The following UBE3D variants were observed in gnomAD, a reference collection of about 807,000 sequenced individuals.
UBE3D encodes E3 ubiquitin-protein ligase E3D.
Under a neutral mutation model 49.6 loss-of-function variants are expected in UBE3D, and 48 were observed. The ratio of observed to expected loss-of-function variants is 0.97; its 90% CI spans 0.77 to 1.23. The LOEUF (loss-of-function observed/expected upper bound fraction) is 1.23. Ranked by LOEUF, UBE3D falls within the 50% of genes most tolerant of loss-of-function variation. The pLI is 0.00. For missense variants in UBE3D, 452 were observed against 468.4 expected, an observed-to-expected ratio of 0.96 and a Z score of 0.32; for synonymous variants, 189 against 174.2, an observed-to-expected ratio of 1.08 and a Z score of -0.67.
chr6:83,065,689 C>G lies in UBE3D; in HGVS notation c.30G>C (p.Val10=). 1 of 1,613,004 alleles carries G rather than the reference C, an allele frequency of 6.2e-7. No homozygotes were observed. Among genetic ancestry groups the G allele is most frequent in the East Asian group, 2.2e-5 (1 of 44,766 alleles). Reference sequence around the variant, plus strand: ...GCAGCTGTCCCCGCACCTCCAGAAACACGCGCGTCTCCGCCGCAGAAGCCG... The same window carrying G: ...GCAGCTGTCCCCGCACCTCCAGAAAGACGCGCGTCTCCGCCGCAGAAGCCG... MAASAAETR[V]FLEVRGQLQS... Residue 10 remains valine, a synonymous_variant, in exon 1 of 10, where the codon GTG becomes GTC. Transcript: ENST00000369747.
intron 9 of UBE3D, among the ~76,000 whole-genome samples, chr6:82,920,286 A>G (rs1773230462): frequency 6.6e-6 from 1 of 152,190 alleles, no homozygotes; most frequent in South Asian, 2.1e-4. Flanking sequence ...ATCCAGAAAA[A>G]TCCTTGGGAA....
At chr6:82,936,491 C>G (rs1410518728) in intron 9 of UBE3D, among the ~76,000 whole-genome samples, 1 of 151,624 alleles carries the variant, frequency 6.6e-6, no homozygotes, top group Non-Finnish European at 1.5e-5. Flanking sequence ...TGGACACATA[C>G]AGGTTTTGTT....
chr6:82,955,052 T>C (rs1776061701), intron 9 of UBE3D, among the ~76,000 whole-genome samples: 2 of 152,134 alleles, frequency 1.3e-5, no homozygotes, highest in Non-Finnish European at 2.9e-5. Context: ...ATTGAGTAAT[T>C]AACATTCAGA....
At chr6:83,028,116 T>C (rs183156794) in intron 5 of UBE3D, among the ~76,000 whole-genome samples, 5 of 152,248 alleles carry the variant, frequency 3.3e-5, no homozygotes, top group Admixed American at 1.3e-4. Flanking sequence ...TATTGTTTAA[T>C]TTATATAACT....
chr6:82,960,055 G>C (rs973774734), intron 8 of UBE3D, among the ~76,000 whole-genome samples: 4 of 152,068 alleles, frequency 2.6e-5, no homozygotes, highest in African/African-American at 9.7e-5. Flanking sequence ...CTGTATGCAG[G>C]AGCTCCTAGC....
At chr6:83,000,643 A>G (rs1327070777) in intron 8 of UBE3D, among the ~76,000 whole-genome samples, 1 of 152,178 alleles carries the variant, frequency 6.6e-6, no homozygotes, top group Non-Finnish European at 1.5e-5. Context: ...TTCTTAGGAT[A>G]AAGACTAAAT....
the UBE3D span, among the ~76,000 whole-genome samples, chr6:82,885,254 G>T: frequency 2.6e-5 from 4 of 152,018 alleles, no homozygotes; most frequent in African/African-American, 7.3e-5. Context: ...GCAACAAAAG[G>T]TCTTTTCTTC....
Position 83,024,047 on chromosome 6 carries a change from A to G in UBE3D, c.668-9T>C. Reference sequence around the variant, plus strand: ...ATAAAACTTGGTGGTTTCTAGAAACAAAAAAGAAAATTAAGACTCTCCCCA... The same window carrying G: ...ATAAAACTTGGTGGTTTCTAGAAACGAAAAAGAAAATTAAGACTCTCCCCA... On this transcript the variant is annotated splice_polypyrimidine_tract_variant and intron_variant, in intron 5 of 9. Transcript: ENST00000369747. 6.7e-7 allele frequency: 1 copy of G among 1,487,920 alleles called. No homozygotes were observed. The highest frequency in any genetic ancestry group is 2.4e-5 in the East Asian group (1 of 41,666). 92.2% of individuals were successfully genotyped at this position (1,487,920 alleles called of 1,614,324 possible). A position where few individuals can be genotyped will look rare whatever the true frequency, so the allele number is the denominator to read the frequency against.
At chr6:83,040,035 G>A (rs1038972800) in intron 4 of UBE3D, among the ~76,000 whole-genome samples, 1 of 152,106 alleles carries the variant, frequency 6.6e-6, no homozygotes, top group African/African-American at 2.4e-5. Context: ...TTTATTTGAG[G>A]TGTGTTTGTG....
the UBE3D span, among the ~76,000 whole-genome samples, chr6:82,882,180 T>C: frequency 6.6e-6 from 1 of 152,136 alleles, no homozygotes; most frequent in Non-Finnish European, 1.5e-5. Flanking sequence ...ACCCTCACTG[T>C]GATGATTAAA....
At chr6:82,887,395 T>TTTTG (rs1562053882), downstream of UBE3D, among the ~76,000 whole-genome samples, 3 of 70,446 alleles carry the variant, frequency 4.3e-5, no homozygotes, top group African/African-American at 2.9e-4. Context: ...AACAGTTTTT[T>TTTTG]TTTTTTTTTT....
intron 4 of UBE3D, among the ~76,000 whole-genome samples, chr6:83,043,609 T>C (rs1782823440): frequency 6.6e-6 from 1 of 152,206 alleles, no homozygotes; most frequent in Non-Finnish European, 1.5e-5. Flanking sequence ...TACTGCATAT[T>C]TCCTGCAGTC....
intron 9 of UBE3D, among the ~76,000 whole-genome samples, chr6:82,914,351 C>A (rs935490348): frequency 2.0e-5 from 3 of 152,168 alleles, no homozygotes; most frequent in Middle Eastern, 3.4e-3. Context: ...GAATAGGACC[C>A]AAAGCTTTTA....
intron 8 of UBE3D, among the ~76,000 whole-genome samples, chr6:82,958,085 G>A (rs865959073): frequency 6.6e-6 from 1 of 152,110 alleles, no homozygotes; most frequent in African/African-American, 2.4e-5. Flanking sequence ...ATATCCTGCG[G>A]AACCTATTTG....
chr6:82,897,822 C>G (rs986972035), intron 9 of UBE3D, among the ~76,000 whole-genome samples: 5 of 152,134 alleles, frequency 3.3e-5, no homozygotes, highest in Non-Finnish European at 5.9e-5. Context: ...ATACCCTAGA[C>G]TCAACTTTTT....
In UBE3D at chr6:83,002,364, C is replaced by T. The variant is rs543737603; in HGVS notation, c.1010+16609G>A. Among the ~76,000 whole-genome samples, 3 of 152,176 alleles carry T rather than the reference C, an allele frequency of 2.0e-5. No homozygotes were observed. The South Asian group carries it at 6.2e-4, about 32-fold the overall frequency. ...GGTGATTAGACCATGATGGCTCTGC[C>T]CTCATGGATGAGATTAGCACCTTTT... On this transcript the variant is annotated intron_variant, in intron 8 of 9. Coordinates refer to ENST00000369747, the MANE Select transcript of UBE3D (RefSeq NM_198920.3).
At chr6:83,022,001 G>T (rs1582662974) in intron 7 of UBE3D, among the ~76,000 whole-genome samples, 1 of 152,226 alleles carries the variant, frequency 6.6e-6, no homozygotes, top group East Asian at 1.9e-4. Context: ...TAAAATAAAG[G>T]AGTTTGATTT....
At chr6:83,046,669 T>TGGGGGGG (rs1554211608) in intron 3 of UBE3D, among the ~76,000 whole-genome samples, 1 of 9,374 alleles carries the variant, frequency 1.1e-4, no homozygotes, top group African/African-American at 2.2e-4. Flanking sequence ...TTCTTGCAGT[T>TGGGGGGG]GGCGGGGGGG....
chr6:83,028,592 A>G lies in UBE3D; in HGVS notation c.668-4554T>C, dbSNP rs376590593. On this transcript the variant is annotated intron_variant, in intron 5 of 9. Coordinates refer to ENST00000369747, the MANE Select transcript of UBE3D (RefSeq NM_198920.3). Reference sequence around the variant, plus strand: ...CTCATTTTTGTCCTTCTCGAAACTAAAGTTCTAATTTTAGAGAATGGGCAA... The same window carrying G: ...CTCATTTTTGTCCTTCTCGAAACTAGAGTTCTAATTTTAGAGAATGGGCAA... Among the ~76,000 whole-genome samples, 4 of 152,078 alleles carry G rather than the reference A, an allele frequency of 2.6e-5. No homozygotes were observed. In the East Asian group the frequency reaches 7.7e-4, roughly 29 times the overall value.
Sources: allele counts gnomAD v4.1 joint callset (sites outside exome capture counted in the v4.1 genomes callset), GRCh38; gene constraint gnomAD v4.1.1; transcripts MANE v1.5; gene names NCBI Gene and HGNC (gene_info 2026-07-23, HGNC 2026-07-21).